The following WWP2 variants were observed in gnomAD, a reference collection of about 807,000 sequenced individuals.
WWP2 encodes WW domain containing E3 ubiquitin protein ligase 2.
WWP2 carries 57 observed loss-of-function variants against 121.0 expected under a neutral mutation model. That is an observed-to-expected ratio of 0.47 (90% CI 0.38 to 0.59). WWP2 has a LOEUF of 0.59. WWP2 is among the 20% of genes least tolerant of loss of function. WWP2 has a pLI of 0.00. For missense variants in WWP2, 962 were observed against 1,158.9 expected (o/e 0.83, Z 2.47); for synonymous variants, 449 against 441.3 (o/e 1.02, Z -0.22).
rs1432186332 is a variant in WWP2, at chr16:69,769,317, A to G, written c.-16+6926A>G. ...GGGTGACAGAGCAAGACTCCATCTC[A>G]AAAAAAAAAAAAAAAAAAAAATAGA... On this transcript the variant is annotated intron_variant, in intron 1 of 23. Transcript: ENST00000359154. 7.0e-3 allele frequency among the ~76,000 whole-genome samples: 35 copies of G among 4,994 alleles called. 1 individual carries two copies. Among genetic ancestry groups the G allele is most frequent in the East Asian group, 0.044 (31 of 698 alleles). 3.3% of individuals were successfully genotyped at this position (4,994 alleles called of 152,430 possible).
chr16:69,924,118 A>G (rs941025956), intron 10 of WWP2, among the ~76,000 whole-genome samples: 3 of 152,268 alleles, frequency 2.0e-5, no homozygotes, highest in African/African-American at 7.2e-5. Flanking sequence ...CGTCCTGTCA[A>G]GAGCCTATGG....
chr16:69,783,477 C>T (rs542684705), intron 1 of WWP2, among the ~76,000 whole-genome samples: 6 of 151,584 alleles, frequency 4.0e-5, no homozygotes, highest in South Asian at 2.1e-4. Context: ...TCGAGGCTGC[C>T]GTGAGCCATG....
intron 1 of WWP2, among the ~76,000 whole-genome samples, chr16:69,778,802 G>C (rs11644838): frequency 0.27 from 39,919 of 149,746 alleles, 5,811 homozygotes; most frequent in East Asian, 0.41. Flanking sequence ...ACCACTCCTC[G>C]CTAATTTTTG....
chr16:69,898,764 C>T (rs528598101), intron 8 of WWP2, among the ~76,000 whole-genome samples: 12 of 152,092 alleles, frequency 7.9e-5, no homozygotes, highest in South Asian at 4.2e-4. Context: ...AGTGCAATGG[C>T]GCAATCTTGG....
intron 6 of WWP2, among the ~76,000 whole-genome samples, chr16:69,866,316 TTATG>T (rs1247591851): frequency 8.8e-6 from 1 of 113,842 alleles, no homozygotes; most frequent in Non-Finnish European, 1.8e-5. Context: ...ATTTATTTAT[TTATG>T]GAGACGGAGT....
rs540646525 is a variant in WWP2 at position 69,939,504 on chromosome 16, C to T, written c.2513+91C>T. 6.0e-4 allele frequency: 832 copies of T among 1,385,808 alleles called. 1 individual carries two copies. The highest frequency in any genetic ancestry group is 1.0e-3 in the Middle Eastern group (5 of 5,004). 85.8% of individuals were successfully genotyped at this position (1,385,808 alleles called of 1,614,324 possible). Reference sequence around the variant, plus strand: ...AGTGGGTGTAGCAGCTTCATAGCCTCGAGTCTGGCAGCTTTTGCGTGGCCC... The same window carrying T: ...AGTGGGTGTAGCAGCTTCATAGCCTTGAGTCTGGCAGCTTTTGCGTGGCCC... On this transcript the variant is annotated intron_variant, in intron 23 of 23. Transcript: ENST00000359154.
At chr16:69,936,571 C>T (rs2151998756) in intron 19 of WWP2, 119 bp downstream of exon 19, 2 of 1,432,064 alleles carry the variant, frequency 1.4e-6, no homozygotes, top group South Asian at 1.3e-5. Flanking sequence ...TTTGCATTTG[C>T]CTTGATGGTG....
intron 4 of WWP2, among the ~76,000 whole-genome samples, chr16:69,814,534 G>A (rs1261808213): frequency 2.0e-5 from 3 of 152,188 alleles, no homozygotes; most frequent in Non-Finnish European, 4.4e-5. Context: ...CATGAAAGGT[G>A]AAGTTGATTT....
At chr16:69,876,367 T>C (rs2057736140) in intron 7 of WWP2, among the ~76,000 whole-genome samples, 1 of 151,692 alleles carries the variant, frequency 6.6e-6, no homozygotes, top group Admixed American at 6.6e-5. Flanking sequence ...TTTTTTTTTT[T>C]TCGTTTTTTG....
intron 4 of WWP2, among the ~76,000 whole-genome samples, chr16:69,823,273 T>G (rs1303147347): frequency 6.6e-6 from 1 of 152,230 alleles, no homozygotes; most frequent in African/African-American, 2.4e-5. Context: ...CTTTTTGGCC[T>G]CAGGTGTGTC....
intron 8 of WWP2, among the ~76,000 whole-genome samples, chr16:69,895,975 G>A (rs752410088): frequency 8.5e-5 from 13 of 152,178 alleles, no homozygotes; most frequent in Non-Finnish European, 1.5e-4. Flanking sequence ...ACATGGAATA[G>A]TGTGTGTTTC....
At chr16:69,826,959 G>GTA (rs2056710457) in intron 4 of WWP2, among the ~76,000 whole-genome samples, 1 of 131,162 alleles carries the variant, frequency 7.6e-6, no homozygotes, top group Non-Finnish European at 1.6e-5. Flanking sequence ...AAAAAAGGGG[G>GTA]GGGGGCGGAG....
At chr16:69,795,891 GC>G (rs1469338535) in intron 2 of WWP2, among the ~76,000 whole-genome samples, 1 of 151,636 alleles carries the variant, frequency 6.6e-6, no homozygotes, top group Non-Finnish European at 1.5e-5. Flanking sequence ...CAAGTGATCT[GC>G]CTGCCTCGGC....
At chr16:69,904,692 C>T (rs146691611) in intron 8 of WWP2, among the ~76,000 whole-genome samples, 49 of 152,208 alleles carry the variant, frequency 3.2e-4, no homozygotes, top group African/African-American at 1.2e-3. Flanking sequence ...TTTCATCTGG[C>T]CACTTTTGCC....
rs542022407 is a variant in WWP2 at position 69,913,770 on chromosome 16, G to T, written c.1005-3939G>T. 2.6e-5 allele frequency among the ~76,000 whole-genome samples: 4 copies of T among 151,970 alleles called. No homozygotes were observed. In the South Asian group the frequency reaches 8.3e-4, roughly 32 times the overall value. ...ACAGAAATGAAAAATTCAGTAGAAT[G>T]GTTGAAAGGTAAATTTGGGCTGAGC... On this transcript the variant is annotated intron_variant, in intron 9 of 23. Transcript: ENST00000359154.
chr16:69,839,663 G>A (rs529506117), intron 4 of WWP2, among the ~76,000 whole-genome samples: 67 of 152,258 alleles, frequency 4.4e-4, no homozygotes, highest in South Asian at 8.3e-4. Context: ...ACAACATCAT[G>A]TTTTAACACA....
chr16:69,910,346 TAC>T (rs1456582602), intron 9 of WWP2: 44 of 981,630 alleles, frequency 4.5e-5, no homozygotes, highest in African/African-American at 5.3e-5. Flanking sequence ...CAGTATGTAT[TAC>T]ACACTTGTAC....
chr16:69,878,066 C>T (rs2057765773), intron 7 of WWP2, among the ~76,000 whole-genome samples: 1 of 152,088 alleles, frequency 6.6e-6, no homozygotes, highest in Admixed American at 6.6e-5. Context: ...CCTCAGCCTC[C>T]CAAAGTGTTG....
chr16:69,892,599 T>A lies in WWP2; in HGVS notation c.914+4350T>A, dbSNP rs114386675. The stretch of plus-strand genomic sequence containing the variant: ...CCCAAGCTGGAGTGCAGTTGTGCAA[T>A]CTTGGCTCACTGCAGCCTCAGCCTC... On this transcript the variant is annotated intron_variant, in intron 8 of 23. Transcript: ENST00000359154. 8.0e-3 allele frequency among the ~76,000 whole-genome samples: 1,212 copies of A among 152,338 alleles called. 17 individuals are homozygous for A. Among genetic ancestry groups the A allele is most frequent in the African/African-American group, 0.026 (1,101 of 41,572 alleles).
Sources: gnomAD v4.1 joint callset for allele counts (sites outside exome capture counted in the v4.1 genomes callset) on GRCh38, gnomAD v4.1.1 for gene constraint, MANE v1.5 for transcripts, NCBI Gene and HGNC (gene_info 2026-07-23, HGNC 2026-07-21) for gene names.